USP8: variants seen among roughly 807,000 people sequenced by gnomAD.
USP8 encodes the protein ubiquitin specific peptidase 8.
USP8 carries 27 observed loss-of-function variants against 130.0 expected under a neutral mutation model. The observed-to-expected ratio is 0.21, with a 90% CI of 0.15 to 0.29. The LOEUF is 0.29. Among genes scored for constraint, USP8 ranks in the 10% least tolerant of loss-of-function variants. The pLI, the probability that USP8 is intolerant of heterozygous loss-of-function variation, is 1.00. For synonymous variants in USP8, 392 were observed against 444.1 expected (o/e 0.88, Z 1.48); for missense variants, 1,029 against 1,312.2 (o/e 0.78, Z 3.33).
chr15:50,498,036 A>G (rs8037553), intron 18 of USP8, among the ~76,000 whole-genome samples: 23,366 of 152,200 alleles, frequency 0.15, 2,187 homozygotes, highest in Middle Eastern at 0.28. Context: ...TAAACATTCT[A>G]TAAGTGATTA....
At position 50,498,883 on chromosome 15, in the gene USP8, T is replaced by TCTA; in HGVS notation, c.3172-20_3172-19insCTA. 1 of 1,568,318 alleles carries TCTA rather than the reference T, an allele frequency of 6.4e-7. No individual in the cohort carries two copies. Among genetic ancestry groups the TCTA allele is most frequent in the African/African-American group, 1.4e-5 (1 of 72,762 alleles). On this transcript the variant is annotated intron_variant, in intron 19 of 19. Transcript: ENST00000307179. ...CAATTTTAACTGAATTGATTTTTTTTTCTATCTTGTTTGGCACAGAATCAC... is the reference window on the plus strand; with the variant it reads ...CAATTTTAACTGAATTGATTTTTTTTCTATCTATCTTGTTTGGCACAGAATCAC...
chr15:50,462,361 G>T, intron 6 of USP8, 39 bp downstream of exon 6: 1 of 1,552,740 alleles, frequency 6.4e-7, no homozygotes, highest in South Asian at 1.2e-5. Context: ...TTTAGGTTCT[G>T]ACTGAGATCT....
Position 50,503,437 on chromosome 15 carries a change from G to A in USP8, c.*4349G>A, listed in dbSNP as rs968079045. The A allele has an allele frequency of 1.3e-5, 2 of 152,236 alleles. No individual in the cohort carries two copies. The highest frequency in any genetic ancestry group is 2.9e-5 in the Non-Finnish European group (2 of 68,086). 9.4% of individuals were successfully genotyped at this position (152,236 alleles called of 1,614,324 possible). A position where few individuals can be genotyped will look rare whatever the true frequency, so the allele number is the denominator to read the frequency against. On this transcript the variant is annotated 3_prime_UTR_variant, in exon 20 of 20. Coordinates refer to ENST00000307179, the MANE Select transcript of USP8 (RefSeq NM_005154.5). The stretch of plus-strand genomic sequence containing the variant: ...TAACCAGTATGCTCGGGTTTTAAAG[G>A]TCACGCAAGGACACTCGAGGTAAAG...
intron 1 of USP8, among the ~76,000 whole-genome samples, chr15:50,434,534 A>G (rs1402054052): frequency 6.6e-6 from 1 of 151,976 alleles, no homozygotes; most frequent in Admixed American, 6.6e-5. Context: ...TTTTGTTGTT[A>G]GAAGCACGTT....
chr15:50,470,243 A>G (rs1311888722), intron 7 of USP8, among the ~76,000 whole-genome samples: 1 of 152,184 alleles, frequency 6.6e-6, no homozygotes, highest in Non-Finnish European at 1.5e-5. Context: ...TTTAACAGAG[A>G]GGTGAGATAG....
intron 19 of USP8, 44 bp downstream of exon 19, chr15:50,498,772 T>G: frequency 6.4e-7 from 1 of 1,568,400 alleles, no homozygotes; most frequent in Non-Finnish European, 8.6e-7. Flanking sequence ...TCAAAGCAAG[T>G]TTAAAAAAAG....
chr15:50,485,211 C>T (rs1177905959), intron 12 of USP8, among the ~76,000 whole-genome samples: 1 of 151,868 alleles, frequency 6.6e-6, no homozygotes, highest in African/African-American at 2.4e-5. Flanking sequence ...GCTTGTAATC[C>T]CAGGCAGGCA....
Position 50,500,650 on chromosome 15 carries a change from G to A in USP8, c.*1562G>A, listed in dbSNP as rs2052566249. ...AGTGTTCAGGAAACACCATTTTCCT[G>A]GCTCTTAACGCTTTTGTATTGGTAT... On this transcript the variant is annotated 3_prime_UTR_variant, in exon 20 of 20. Coordinates refer to ENST00000307179, the MANE Select transcript of USP8 (RefSeq NM_005154.5). 7.5e-6 allele frequency: 7 copies of A among 938,882 alleles called. No individual in the cohort carries two copies. In the East Asian group the frequency reaches 1.9e-4, roughly 25 times the overall value. 58.2% of individuals were successfully genotyped at this position (938,882 alleles called of 1,614,324 possible).
intron 1 of USP8, among the ~76,000 whole-genome samples, chr15:50,435,830 G>C (rs1020023583): frequency 2.6e-5 from 4 of 152,148 alleles, no homozygotes; most frequent in Admixed American, 1.3e-4. Flanking sequence ...AAAAAGTACA[G>C]TCTTTCTCCT....
chr15:50,445,545 CAAAAAAAA>C (rs747368769), intron 3 of USP8, among the ~76,000 whole-genome samples: 241 of 10,012 alleles, frequency 0.024, 7 homozygotes, highest in Non-Finnish European at 0.034. Context: ...GAGTCTGTCT[CAAAAAAAA>C]AAAAAAAAAA....
rs951220644 is a variant in USP8 at position 50,509,825 on chromosome 15, C to A, written c.*10737C>A. ...AGACAAATATCTGGAGAATAAGTTA[C>A]CAAAATGACTGAAGAGAAATACATG... On this transcript the variant is annotated 3_prime_UTR_variant, in exon 20 of 20. Transcript: ENST00000307179. 6.6e-6 allele frequency: 1 copy of A among 151,982 alleles called. No homozygotes were observed. Among genetic ancestry groups the A allele is most frequent in the African/African-American group, 2.4e-5 (1 of 41,386 alleles). The allele number at this position is 151,982 out of a possible 1,614,324, so 9.4% of individuals were successfully genotyped here. A position where few individuals can be genotyped will look rare whatever the true frequency, so the allele number is the denominator to read the frequency against.
At chr15:50,477,252 A>C (rs767539364) in intron 9 of USP8, 24 bp from the exon 10 acceptor site, 2 of 1,596,646 alleles carry the variant, frequency 1.3e-6, no homozygotes, top group Non-Finnish European at 1.7e-6. Context: ...ATTCTAAAAA[A>C]CATTTTTATT....
At chr15:50,456,126 G>A (rs892953700) in intron 4 of USP8, among the ~76,000 whole-genome samples, 18 of 152,144 alleles carry the variant, frequency 1.2e-4, no homozygotes, top group Admixed American at 8.5e-4. Flanking sequence ...GTCATTACCA[G>A]AATTAGAATT....
chr15:50,497,248 G>A lies in USP8; in HGVS notation c.3038+17G>A, dbSNP rs765278249. 6.3e-6 allele frequency: 10 copies of A among 1,591,920 alleles called. No individual in the cohort carries two copies. In the African/African-American group the frequency reaches 1.2e-4, roughly 20 times the overall value. On this transcript the variant is annotated intron_variant, in intron 18 of 19. Coordinates refer to ENST00000307179, the MANE Select transcript of USP8 (RefSeq NM_005154.5). ...TCTGAAACGGTAAAGGGGAAAGTTT[G>A]TCCTCCTGTTCAGTGAAATTAAATG... is the stretch of plus-strand genomic sequence containing the variant.
intron 7 of USP8, among the ~76,000 whole-genome samples, chr15:50,468,443 A>G (rs925151822): frequency 7.3e-5 from 11 of 151,130 alleles, no homozygotes; most frequent in South Asian, 4.2e-4. Flanking sequence ...GGGTTTCACT[A>G]TGTTGGCCAG....
chr15:50,437,593 G>A (rs1385713126), intron 1 of USP8, among the ~76,000 whole-genome samples: 4 of 152,262 alleles, frequency 2.6e-5, no homozygotes, highest in African/African-American at 7.2e-5. Flanking sequence ...TGTTTAACAC[G>A]AGGCCTACTG....
chr15:50,450,220 T>A (rs2050582640), intron 4 of USP8, among the ~76,000 whole-genome samples: 3 of 152,076 alleles, frequency 2.0e-5, no homozygotes, highest in African/African-American at 7.2e-5. Context: ...TATTTGTAAG[T>A]TTCTGGCATT....
chr15:50,463,192 T>TG (rs2141282845), intron 6 of USP8, among the ~76,000 whole-genome samples: 1 of 152,260 alleles, frequency 6.6e-6, no homozygotes, highest in East Asian at 1.9e-4. Context: ...GAGGCTGCAG[T>TG]GAGCCACGAT....
chr15:50,424,901 T>C (rs1416969055), intron 1 of USP8, among the ~76,000 whole-genome samples: 2 of 152,012 alleles, frequency 1.3e-5, no homozygotes, highest in Non-Finnish European at 2.9e-5. Context: ...CCAGTTTCTC[T>C]TCTTCCCCAG....
Sources: gnomAD v4.1 joint callset for allele counts (sites outside exome capture counted in the v4.1 genomes callset) on GRCh38, gnomAD v4.1.1 for gene constraint, MANE v1.5 for transcripts, NCBI Gene and HGNC (gene_info 2026-07-23, HGNC 2026-07-21) for gene names.